The following PHKB variants were observed in gnomAD, a reference collection of about 807,000 sequenced individuals.
PHKB encodes phosphorylase kinase regulatory subunit beta, also known as phosphorylase b kinase regulatory subunit beta.
Under a neutral mutation model 152.1 loss-of-function variants are expected in PHKB, and 122 were observed. The observed-to-expected ratio is 0.80, with a 90% CI of 0.69 to 0.93. The LOEUF is 0.93. Ranked by LOEUF, PHKB falls within the 40% of genes least tolerant of loss-of-function variation. The pLI is 0.00. For missense variants in PHKB, 1,304 were observed against 1,328.4 expected, an observed-to-expected ratio of 0.98 and a Z score of 0.29; for synonymous variants, 436 against 464.9, an observed-to-expected ratio of 0.94 and a Z score of 0.80.
intron 7 of PHKB, among the ~76,000 whole-genome samples, chr16:47,558,127 C>T (rs1439552413): frequency 6.6e-6 from 1 of 150,406 alleles, no homozygotes; most frequent in Non-Finnish European, 1.5e-5. Context: ...AGTAAACTAT[C>T]GCAAGGACAA....
At chr16:47,545,427 C>A (rs1286942502) in intron 6 of PHKB, among the ~76,000 whole-genome samples, 1 of 152,192 alleles carries the variant, frequency 6.6e-6, no homozygotes, top group Non-Finnish European at 1.5e-5. Context: ...GGCCCCCACT[C>A]TCTTCTGGCT....
At chr16:47,665,806 C>G in intron 25 of PHKB, 1 of 729,708 alleles carries the variant, frequency 1.4e-6, no homozygotes, top group Non-Finnish European at 2.5e-6. Flanking sequence ...GGTTCAATGT[C>G]CTGGGCAGTG....
At chr16:47,512,899 G>A (rs1970534420) in intron 5 of PHKB, among the ~76,000 whole-genome samples, 1 of 152,000 alleles carries the variant, frequency 6.6e-6, no homozygotes, top group Admixed American at 6.6e-5. Flanking sequence ...TCTTACTTTA[G>A]TATGTCTTCT....
intron 10 of PHKB, among the ~76,000 whole-genome samples, chr16:47,589,902 A>G (rs1971999071): frequency 6.6e-6 from 1 of 152,172 alleles, no homozygotes; most frequent in Admixed American, 6.5e-5. Context: ...CTCCTGCCTC[A>G]GCTTCCTGAG....
intron 26 of PHKB, among the ~76,000 whole-genome samples, chr16:47,671,592 T>C (rs991337173): frequency 6.6e-6 from 1 of 152,186 alleles, no homozygotes; most frequent in Non-Finnish European, 1.5e-5. Flanking sequence ...TGTACTTTTT[T>C]AAACATTATT....
chr16:47,562,436 G>C (rs1333791388), intron 7 of PHKB: 2 of 152,164 alleles, frequency 1.3e-5, no homozygotes, highest in Non-Finnish European at 2.9e-5. Context: ...ACAAATTGCT[G>C]AACAAAAAGA....
At position 47,472,604 on chromosome 16, in the gene PHKB, A is replaced by AAC. The variant is rs1227859952; in HGVS notation, c.76+11179_76+11180dup. Among the ~76,000 whole-genome samples the AAC allele has an allele frequency of 7.2e-5, 11 of 152,200 alleles. 1 individual carries two copies. The highest frequency in any genetic ancestry group is 2.6e-4 in the African/African-American group (11 of 41,536). Reference sequence around the variant, plus strand: ...GAGACCATTCTGGCTAACACAGTGAAACCTCGTCTCTACTAAAAATACAAA... The same window carrying AAC: ...GAGACCATTCTGGCTAACACAGTGAAACACCTCGTCTCTACTAAAAATACAAA... On this transcript the variant is annotated intron_variant, in intron 1 of 30. Coordinates refer to ENST00000323584, the MANE Select transcript of PHKB (RefSeq NM_000293.3).
intron 14 of PHKB, among the ~76,000 whole-genome samples, chr16:47,612,698 C>T (rs1972449993): frequency 6.6e-6 from 1 of 152,120 alleles, no homozygotes; most frequent in South Asian, 2.1e-4. Context: ...TATACAGTTT[C>T]CGAGAGGGAG....
chr16:47,663,375 G>A (rs1051862749), intron 23 of PHKB, among the ~76,000 whole-genome samples: 8 of 152,078 alleles, frequency 5.3e-5, no homozygotes, highest in Non-Finnish European at 1.0e-4. Flanking sequence ...CTTTTCTGCA[G>A]TAAATTAGAA....
intron 6 of PHKB, among the ~76,000 whole-genome samples, chr16:47,528,363 A>G (rs1970801866): frequency 6.6e-6 from 1 of 152,174 alleles, no homozygotes; most frequent in Non-Finnish European, 1.5e-5. Flanking sequence ...TTTTCTCTTC[A>G]TCTTCTCCAA....
chr16:47,541,491 T>G (rs1315545219), intron 6 of PHKB, among the ~76,000 whole-genome samples: 1 of 152,254 alleles, frequency 6.6e-6, no homozygotes, highest in African/African-American at 2.4e-5. Flanking sequence ...GCATGATTTA[T>G]AATCCTTTGG....
intron 14 of PHKB, among the ~76,000 whole-genome samples, chr16:47,633,796 T>C (rs1321565042): frequency 5.9e-5 from 9 of 152,218 alleles, no homozygotes; most frequent in Admixed American, 5.9e-4. Flanking sequence ...GTTTGGGCTT[T>C]ATTTGGGAAA....
chr16:47,526,078 C>G (rs1467930859), intron 6 of PHKB, among the ~76,000 whole-genome samples: 1 of 152,020 alleles, frequency 6.6e-6, no homozygotes, highest in Non-Finnish European at 1.5e-5. Flanking sequence ...GAAGAACTAA[C>G]CAGCCTCTAA....
At chr16:47,688,225 C>G (rs773016717) in intron 26 of PHKB, among the ~76,000 whole-genome samples, 2 of 152,196 alleles carry the variant, frequency 1.3e-5, no homozygotes, top group Non-Finnish European at 1.5e-5. Flanking sequence ...GCTGTGTGAA[C>G]TAATTCCCTG....
At chr16:47,646,503 A>G (rs553995520) in intron 16 of PHKB, among the ~76,000 whole-genome samples, 1 of 140,870 alleles carries the variant, frequency 7.1e-6, no homozygotes, top group Non-Finnish European at 1.5e-5. Context: ...CACAATGTGC[A>G]TATGTACCCT....
intron 1 of PHKB, chr16:47,463,899 C>T (rs1377299311): frequency 6.2e-7 from 1 of 1,612,576 alleles, no homozygotes; most frequent in Non-Finnish European, 8.5e-7. Context: ...ATTGCTATAG[C>T]TTAGCCTGCG....
intron 6 of PHKB, among the ~76,000 whole-genome samples, chr16:47,538,470 G>C (rs1970993746): frequency 6.6e-6 from 1 of 152,218 alleles, no homozygotes; most frequent in African/African-American, 2.4e-5. Context: ...ATGTTTTGGA[G>C]AAATCTAGAA....
At chr16:47,542,909 G>A (rs1212487694) in intron 6 of PHKB, among the ~76,000 whole-genome samples, 3 of 152,116 alleles carry the variant, frequency 2.0e-5, no homozygotes, top group African/African-American at 7.2e-5. Context: ...GGCTGAGACA[G>A]TGGGGTTTTC....
At chr16:47,601,238 G>C (rs1972220325) in intron 13 of PHKB, among the ~76,000 whole-genome samples, 2 of 152,132 alleles carry the variant, frequency 1.3e-5, no homozygotes, top group South Asian at 4.1e-4. Flanking sequence ...TGAAAATCTT[G>C]ATGTTTGAAT....
Sources: gnomAD v4.1 joint callset for allele counts (sites outside exome capture counted in the v4.1 genomes callset) on GRCh38, gnomAD v4.1.1 for gene constraint, MANE v1.5 for transcripts, NCBI Gene and HGNC (gene_info 2026-07-23, HGNC 2026-07-21) for gene names.